The following C4orf17 variants were observed in gnomAD, a reference collection of about 807,000 sequenced individuals.
C4orf17 encodes uncharacterized protein C4orf17.
C4orf17 carries 25 observed loss-of-function variants against 32.0 expected under a neutral mutation model. That is an observed-to-expected ratio of 0.78 (90% CI 0.57 to 1.09). The LOEUF (loss-of-function observed/expected upper bound fraction) is 1.09. C4orf17 is among the 50% of genes least tolerant of loss of function. The pLI, the probability that C4orf17 is intolerant of heterozygous loss-of-function variation, is 0.00. For missense variants in C4orf17, 420 were observed against 420.0 expected, an observed-to-expected ratio of 1.00 and a Z score of 0.00; for synonymous variants, 149 against 145.8, an observed-to-expected ratio of 1.02 and a Z score of -0.16.
In C4orf17 at chr4:99,529,883, AGGGATGACAAG is replaced by A. The variant is rs200233951; in HGVS notation, c.472_482del (p.Gly158TyrfsTer4). On this transcript the variant is annotated frameshift_variant, in exon 5 of 9. Coordinates refer to ENST00000326581, the MANE Select transcript of C4orf17 (RefSeq NM_032149.3). LOFTEE classifies it high-confidence loss of function. The stretch of plus-strand genomic sequence containing the variant: ...GCTCTACTCCTGGCTCCTGTTCTTC[AGGGATGACAAG>A]TACCAAGAATGATGTGAAAGCAAAC... 4.5e-3 allele frequency: 7,304 copies of A among 1,612,012 alleles called. 279 individuals carry two copies. The African/African-American group carries it at 0.08, about 18-fold the overall frequency.
chr4:99,525,590 C>T (rs1228191302), intron 4 of C4orf17, among the ~76,000 whole-genome samples: 3 of 151,978 alleles, frequency 2.0e-5, no homozygotes, highest in South Asian at 2.1e-4. Context: ...GTCAGGAGAT[C>T]GAGACCATCC....
chr4:99,514,902 C>A (rs1560584325), intron 2 of C4orf17, among the ~76,000 whole-genome samples: 1 of 152,116 alleles, frequency 6.6e-6, no homozygotes, highest in Non-Finnish European at 1.5e-5. Context: ...TATATATACA[C>A]CATGGAACAC....
intron 4 of C4orf17, among the ~76,000 whole-genome samples, chr4:99,528,148 C>T (rs1402620935): frequency 2.0e-5 from 3 of 152,122 alleles, no homozygotes; most frequent in Non-Finnish European, 4.4e-5. Flanking sequence ...TCTGCTGGTT[C>T]TGTAAGAAGT....
chr4:99,512,931 A>C, intron 1 of C4orf17, 58 bp from the exon 2 acceptor site: 1 of 700,938 alleles, frequency 1.4e-6, no homozygotes, highest in Non-Finnish European at 2.3e-6. Flanking sequence ...GAAATGTTTG[A>C]TATATAAGAA....
chr4:99,520,175 C>T lies in C4orf17; in HGVS notation c.128-2325C>T, dbSNP rs112967326. 0.016 allele frequency among the ~76,000 whole-genome samples: 2,384 copies of T among 151,906 alleles called. 396 individuals are homozygous for T. In the East Asian group the frequency reaches 0.39, roughly 25 times the overall value. On this transcript the variant is annotated intron_variant, in intron 2 of 8. Transcript: ENST00000326581. ...TGCTATCTCGGCTCACTGCAAGCTC[C>T]GCCTCGCGGGTTCATGCCATTCTCC...
At chr4:99,518,308 C>G (rs1033668807) in intron 2 of C4orf17, among the ~76,000 whole-genome samples, 12 of 150,884 alleles carry the variant, frequency 8.0e-5, no homozygotes, top group Non-Finnish European at 1.8e-4. Flanking sequence ...AATCCCAACA[C>G]TTTGGGAAGC....
At chr4:99,531,992 G>A (rs983942584) in intron 5 of C4orf17, among the ~76,000 whole-genome samples, 5 of 152,132 alleles carry the variant, frequency 3.3e-5, no homozygotes, top group African/African-American at 9.7e-5. Context: ...AAAGGAAAGA[G>A]AAACATAATT....
At chr4:99,535,275 G>T (rs918966461) in intron 5 of C4orf17, among the ~76,000 whole-genome samples, 11 of 152,158 alleles carry the variant, frequency 7.2e-5, no homozygotes, top group African/African-American at 2.2e-4. Flanking sequence ...GAATTTGAAT[G>T]TTGGCCTGTC....
At chr4:99,513,678 C>A (rs1017273111) in intron 2 of C4orf17, among the ~76,000 whole-genome samples, 1 of 152,058 alleles carries the variant, frequency 6.6e-6, no homozygotes, top group African/African-American at 2.4e-5. Flanking sequence ...CCCTTCCTTC[C>A]TCCCTTTCTT....
intron 2 of C4orf17, among the ~76,000 whole-genome samples, chr4:99,517,348 A>G (rs949428212): frequency 5.3e-5 from 8 of 152,134 alleles, no homozygotes; most frequent in Non-Finnish European, 1.2e-4. Flanking sequence ...TCCCCAGAAC[A>G]TATTGCTGCA....
chr4:99,517,481 T>G (rs1001080302), intron 2 of C4orf17, among the ~76,000 whole-genome samples: 11 of 152,168 alleles, frequency 7.2e-5, no homozygotes, highest in African/African-American at 2.4e-4. Context: ...TCCACTACAC[T>G]GCAATCCTCA....
At chr4:99,524,666 A>G (rs1723357514) in intron 4 of C4orf17, 81 bp downstream of exon 4, 1 of 813,822 alleles carries the variant, frequency 1.2e-6, no homozygotes, top group East Asian at 2.6e-5. Flanking sequence ...CCTTTCCGAA[A>G]AGTCACCATG....
chr4:99,538,548 T>C (rs960940060), intron 6 of C4orf17, among the ~76,000 whole-genome samples: 10 of 152,248 alleles, frequency 6.6e-5, no homozygotes, highest in African/African-American at 2.4e-4. Context: ...CACTACTTTT[T>C]AGGCAATTGA....
chr4:99,528,095 T>C (rs1234679130), intron 4 of C4orf17, among the ~76,000 whole-genome samples: 2 of 152,198 alleles, frequency 1.3e-5, no homozygotes, highest in South Asian at 2.1e-4. Context: ...TTCAGATTTA[T>C]TGACAAAGTT....
intron 2 of C4orf17, among the ~76,000 whole-genome samples, chr4:99,520,671 C>A (rs1197378572): frequency 6.6e-6 from 1 of 152,240 alleles, no homozygotes; most frequent in Non-Finnish European, 1.5e-5. Flanking sequence ...ATTTCAATTC[C>A]AACATTATTT....
chr4:99,538,297 C>A (rs1459120749), intron 6 of C4orf17, among the ~76,000 whole-genome samples: 1 of 152,208 alleles, frequency 6.6e-6, no homozygotes, highest in East Asian at 1.9e-4. Flanking sequence ...GAGCTATCCT[C>A]ACTTGTAGCT....
In C4orf17 at chr4:99,513,028, C is replaced by A. The variant is rs537811635; in HGVS notation, c.-54C>A. ...TGGAAGTGAGGTCAATCAAGTTAGA[C>A]CCCAAAAACTTTTGTGACAACAGTG... On this transcript the variant is annotated 5_prime_UTR_variant, in exon 2 of 9. Transcript: ENST00000326581. The A allele has an allele frequency of 1.2e-6, 2 of 1,607,288 alleles. No homozygotes were observed. The highest frequency in any genetic ancestry group is 1.7e-5 in the Admixed American group (1 of 59,650).
At chr4:99,526,723 A>G (rs1183804224) in intron 4 of C4orf17, among the ~76,000 whole-genome samples, 1 of 143,346 alleles carries the variant, frequency 7.0e-6, no homozygotes, top group Non-Finnish European at 1.5e-5. Context: ...GGTAGTTTGT[A>G]TTTTGCAAAG....
chr4:99,542,179 A>C lies in C4orf17; in HGVS notation c.*70A>C, dbSNP rs1723659326. 7 of 1,431,688 alleles carry C rather than the reference A, an allele frequency of 4.9e-6. No homozygotes were observed. The highest frequency in any genetic ancestry group is 1.4e-5 in the African/African-American group (1 of 70,842). The allele number at this position is 1,431,688 out of a possible 1,614,324, so 88.7% of individuals were successfully genotyped here. A position where few individuals can be genotyped will look rare whatever the true frequency, so the allele number is the denominator to read the frequency against. On this transcript the variant is annotated 3_prime_UTR_variant, in exon 9 of 9. Transcript: ENST00000326581. The stretch of plus-strand genomic sequence containing the variant: ...TTTACATCATCAAATTATTTTTCAA[A>C]TGAATATTTTTGGTATTGAGGAATC...
Sources: gnomAD v4.1 joint callset for allele counts (sites outside exome capture counted in the v4.1 genomes callset) on GRCh38, gnomAD v4.1.1 for gene constraint, MANE v1.5 for transcripts, NCBI Gene and HGNC (gene_info 2026-07-23, HGNC 2026-07-21) for gene names.